MAP4K5: variants seen among roughly 807,000 people sequenced by gnomAD.
MAP4K5 encodes the protein mitogen-activated protein kinase kinase kinase kinase 5.
Under a neutral mutation model 135.6 loss-of-function variants are expected in MAP4K5, and 82 were observed. The observed-to-expected ratio is 0.60, with a 90% CI of 0.51 to 0.73. The LOEUF (loss-of-function observed/expected upper bound fraction) is 0.73, where lower values mean the gene tolerates loss of function less well. Among genes scored for constraint, MAP4K5 ranks in the 30% least tolerant of loss-of-function variants. The probability of loss-of-function intolerance (pLI) is 0.00; values close to 1 mark genes in which losing one functional copy is unlikely to be tolerated. For missense variants in MAP4K5, 907 were observed against 1,010.9 expected (o/e 0.90, Z 1.39); for synonymous variants, 347 against 335.0 (o/e 1.04, Z -0.39).
chr14:50,449,851 T>C (rs555278306), intron 14 of MAP4K5: 1 of 152,326 alleles, frequency 6.6e-6, no homozygotes, highest in East Asian at 1.9e-4. Context: ...AGCTAAAGTT[T>C]GTTTTTGTGA....
chr14:50,420,086 C>T lies in MAP4K5; in HGVS notation c.2474G>A (p.Arg825Lys). ...GSDRVVVLES[R>K]PTENPTAHSN... ...GTGTGCAGTAGGATTTTCTGTTGGC[C>T]TACTTTCCAAAACGACAACCCTGTA... Residue 825 changes from arginine to lysine, a missense_variant, in exon 33 of 33, where the codon AGG becomes AAG. By Grantham distance (26) the Arg-to-Lys change is conservative. Around this residue, in one of 3 missense-constraint regions of MAP4K5, gnomAD observed 690 missense variants for 777.4 expected, o/e 0.89. Coordinates refer to ENST00000682126, the MANE Select transcript of MAP4K5 (RefSeq NM_006575.6). 1 of 1,609,624 alleles carries T rather than the reference C, an allele frequency of 6.2e-7. No homozygotes were observed. The highest frequency in any genetic ancestry group is 8.5e-7 in the Non-Finnish European group (1 of 1,177,700).
chr14:50,465,254 G>C (rs1348981187), intron 11 of MAP4K5, among the ~76,000 whole-genome samples: 3 of 152,150 alleles, frequency 2.0e-5, no homozygotes, highest in African/African-American at 7.2e-5. Flanking sequence ...GCAATGGACT[G>C]TCTTCTCAGA....
chr14:50,547,315 G>T (rs2038646023), intron 1 of MAP4K5, among the ~76,000 whole-genome samples: 1 of 152,086 alleles, frequency 6.6e-6, no homozygotes, highest in Non-Finnish European at 1.5e-5. Context: ...ATGTCTGAGT[G>T]ATTTCCAGTT....
At chr14:50,517,627 G>T (rs1211903320) in intron 2 of MAP4K5, among the ~76,000 whole-genome samples, 6 of 151,952 alleles carry the variant, frequency 3.9e-5, no homozygotes, top group Non-Finnish European at 8.8e-5. Flanking sequence ...AATTAGCAGG[G>T]CATGATGGGT....
At chr14:50,524,984 C>T (rs1191092498) in intron 2 of MAP4K5, among the ~76,000 whole-genome samples, 4 of 152,148 alleles carry the variant, frequency 2.6e-5, no homozygotes, top group Non-Finnish European at 4.4e-5. Context: ...CTTCCTCATA[C>T]CGCTTTGTTT....
intron 2 of MAP4K5, among the ~76,000 whole-genome samples, chr14:50,528,074 A>G (rs1351085437): frequency 2.0e-5 from 3 of 152,132 alleles, no homozygotes; most frequent in Non-Finnish European, 4.4e-5. Flanking sequence ...TTTTACAGTA[A>G]TTACAAATAA....
chr14:50,504,784 G>A lies in MAP4K5; in HGVS notation c.166+16C>T, dbSNP rs773367565. The A allele has an allele frequency of 2.0e-6, 3 of 1,533,044 alleles. No homozygotes were observed. The South Asian group carries it at 3.7e-5, about 19-fold the overall frequency. The allele number at this position is 1,533,044 out of a possible 1,614,324, so 95.0% of individuals were successfully genotyped here. On this transcript the variant is annotated intron_variant, in intron 3 of 32. Transcript: ENST00000682126. ...GGAAAACCCTCAAAAATTGTCTTGAGGGTTTTAACACATACCAGGCTCCAA... is the reference window on the plus strand; with the variant it reads ...GGAAAACCCTCAAAAATTGTCTTGAAGGTTTTAACACATACCAGGCTCCAA...
intron 2 of MAP4K5, among the ~76,000 whole-genome samples, chr14:50,510,559 A>T (rs1049182413): frequency 6.6e-6 from 1 of 152,236 alleles, no homozygotes; most frequent in African/African-American, 2.4e-5. Context: ...GCTCTCTTAA[A>T]AAAATTAAAA....
intron 3 of MAP4K5, among the ~76,000 whole-genome samples, chr14:50,500,890 T>C (rs1364447501): frequency 5.9e-5 from 9 of 152,158 alleles, no homozygotes; most frequent in Admixed American, 2.0e-4. Context: ...TTGAGAAGAA[T>C]AATCAATTTA....
intron 1 of MAP4K5, among the ~76,000 whole-genome samples, chr14:50,544,302 T>C (rs560382726): frequency 6.6e-6 from 1 of 152,332 alleles, no homozygotes; most frequent in East Asian, 1.9e-4. Flanking sequence ...AACTACCCTC[T>C]TTTCTCTGTC....
intron 1 of MAP4K5, among the ~76,000 whole-genome samples, chr14:50,557,028 T>C (rs908729573): frequency 6.6e-6 from 1 of 152,226 alleles, no homozygotes; most frequent in Non-Finnish European, 1.5e-5. Context: ...CTAATGTATA[T>C]GGCAATTCTA....
At chr14:50,542,006 CAAAAAAAAAAAAAAAAAAAAA>C (rs59075218) in intron 2 of MAP4K5, among the ~76,000 whole-genome samples, 1,392 of 62,386 alleles carry the variant, frequency 0.022, 39 homozygotes, top group African/African-American at 0.1. Context: ...GATTCCGTCT[CAAAAAAAAAAAAAAAAAAAAA>C]AAAAAAAAAA....
chr14:50,481,056 G>C (rs1000990185), intron 6 of MAP4K5, among the ~76,000 whole-genome samples: 1 of 151,014 alleles, frequency 6.6e-6, no homozygotes, highest in East Asian at 1.9e-4. Flanking sequence ...GTGCAAATTC[G>C]ACTTTGTTTT....
In MAP4K5 at chr14:50,484,289, A is replaced by G. The variant is rs764269980; in HGVS notation, c.322+1289T>C. Among the ~76,000 whole-genome samples the G allele has an allele frequency of 1.1e-4, 16 of 152,234 alleles. 1 individual carries two copies. The highest frequency in any genetic ancestry group is 1.9e-4 in the Non-Finnish European group (13 of 68,042). ...TTTTGTTAATAAAGAGGTAGTGATC[A>G]GTGTTTAGACATCAGTCAGAATTTT... On this transcript the variant is annotated intron_variant, in intron 5 of 32. Transcript: ENST00000682126.
chr14:50,472,253 G>C (rs1038131581), intron 9 of MAP4K5: 1 of 151,392 alleles, frequency 6.6e-6, no homozygotes, highest in South Asian at 2.1e-4. Flanking sequence ...CCTTATGATT[G>C]TAAGACATGC....
chr14:50,506,850 G>C (rs187634010), intron 2 of MAP4K5, among the ~76,000 whole-genome samples: 1 of 152,314 alleles, frequency 6.6e-6, no homozygotes, highest in South Asian at 2.1e-4. Flanking sequence ...TGGTCAGCCA[G>C]ATGCCTCACA....
rs2037345693 is a variant in MAP4K5 at position 50,485,564 on chromosome 14, C to G, written c.322+14G>C. The stretch of plus-strand genomic sequence containing the variant: ...CCAAAGTCTGTTTAAAATGTAAAGT[C>G]AAATTAACAGTACCATGGTAAATAT... On this transcript the variant is annotated intron_variant, in intron 5 of 32. Transcript: ENST00000682126. The G allele has an allele frequency of 6.7e-7, 1 of 1,493,360 alleles. No individual in the cohort carries two copies. Among genetic ancestry groups the G allele is most frequent in the Non-Finnish European group, 9.1e-7 (1 of 1,099,872 alleles). 92.5% of individuals were successfully genotyped at this position (1,493,360 alleles called of 1,614,324 possible). A position where few individuals can be genotyped will look rare whatever the true frequency, so the allele number is the denominator to read the frequency against.
At chr14:50,437,014 G>A (rs935777641) in intron 26 of MAP4K5, among the ~76,000 whole-genome samples, 5 of 151,868 alleles carry the variant, frequency 3.3e-5, no homozygotes, top group Non-Finnish European at 5.9e-5. Flanking sequence ...TTCCAGTTCC[G>A]TGATACCTTC....
Position 50,560,731 on chromosome 14 carries a change from C to T in MAP4K5, c.-180+309G>A, listed in dbSNP as rs558513363. On this transcript the variant is annotated intron_variant, in intron 1 of 8. Coordinates refer to the MAP4K5 transcript ENST00000555216. ...TAGAGCAGGCCAAGCCCCAACCCCC[C>T]TCCCCGGGAGCCGCCAACTCGCTGG... 3.0e-4 allele frequency among the ~76,000 whole-genome samples: 46 copies of T among 152,332 alleles called. 1 individual carries two copies. In the South Asian group the frequency reaches 7.2e-3, roughly 24 times the overall value.
Sources: allele counts gnomAD v4.1 joint callset (sites outside exome capture counted in the v4.1 genomes callset), GRCh38; gene constraint gnomAD v4.1.1; regional missense constraint gnomAD v4.1.1; transcripts MANE v1.5; gene names NCBI Gene and HGNC (gene_info 2026-07-23, HGNC 2026-07-21).